SLC7A14: variants seen among roughly 807,000 people sequenced by gnomAD.
SLC7A14 encodes gamma-aminobutyric acid transporter SLC7A14.
SLC7A14 carries 37 observed loss-of-function variants against 60.2 expected under a neutral mutation model. That is an observed-to-expected ratio of 0.61 (90% CI 0.47 to 0.81). SLC7A14 has a LOEUF of 0.81. SLC7A14 is among the 30% of genes least tolerant of loss of function. The pLI is 0.00. For missense variants in SLC7A14, 886 were observed against 982.7 expected, an observed-to-expected ratio of 0.90 and a Z score of 1.32; for synonymous variants, 399 against 395.8, an observed-to-expected ratio of 1.01 and a Z score of -0.10.
chr3:170,471,542 G>A (rs1739910848), intron 7 of SLC7A14, among the ~76,000 whole-genome samples: 2 of 152,148 alleles, frequency 1.3e-5, no homozygotes, highest in African/African-American at 4.8e-5. Flanking sequence ...ATATCCAGCA[G>A]TATTAAAATT....
At chr3:170,529,856 C>T (rs1423491480) in intron 1 of SLC7A14, among the ~76,000 whole-genome samples, 5 of 152,244 alleles carry the variant, frequency 3.3e-5, no homozygotes, top group Non-Finnish European at 7.4e-5. Flanking sequence ...GGAGAACAGA[C>T]ATGGGGGTTA....
chr3:170,547,618 G>C (rs1009907090), intron 1 of SLC7A14, among the ~76,000 whole-genome samples: 8 of 152,128 alleles, frequency 5.3e-5, no homozygotes, highest in Non-Finnish European at 1.2e-4. Flanking sequence ...TTTGTGTTGA[G>C]TAGTCTGAGG....
At chr3:170,497,588 C>G (rs566197077) in intron 4 of SLC7A14, among the ~76,000 whole-genome samples, 117 of 152,324 alleles carry the variant, frequency 7.7e-4, no homozygotes, top group African/African-American at 2.6e-3. Context: ...AGACTTGCCT[C>G]TCTCGACCTT....
At chr3:170,543,074 A>G (rs73879204) in intron 1 of SLC7A14, among the ~76,000 whole-genome samples, 3,231 of 152,294 alleles carry the variant, frequency 0.021, 119 homozygotes, top group African/African-American at 0.073. Flanking sequence ...TAGATGGTTT[A>G]TAAACTTTCA....
chr3:170,554,686 C>T (rs1404477056), intron 1 of SLC7A14, among the ~76,000 whole-genome samples: 1 of 152,240 alleles, frequency 6.6e-6, no homozygotes, highest in South Asian at 2.1e-4. Context: ...AGATGTTCCT[C>T]CTAAAGCCCA....
intron 1 of SLC7A14, among the ~76,000 whole-genome samples, chr3:170,561,781 A>G (rs185084309): frequency 3.1e-4 from 47 of 152,288 alleles, no homozygotes; most frequent in Admixed American, 8.5e-4. Flanking sequence ...AACAAACTCA[A>G]ACAAATTAGC....
At chr3:170,495,657 C>T (rs1236911348) in intron 4 of SLC7A14, 11 of 846,702 alleles carry the variant, frequency 1.3e-5, no homozygotes, top group Non-Finnish European at 1.9e-5. Context: ...CCAGAGCCTG[C>T]TGAGCCCTGT....
chr3:170,537,950 A>T (rs931762096), intron 1 of SLC7A14, among the ~76,000 whole-genome samples: 2 of 110,410 alleles, frequency 1.8e-5, no homozygotes, highest in African/African-American at 8.0e-5. Flanking sequence ...CCTTCTAAAC[A>T]TATTTTTTTT....
chr3:170,464,636 A>G lies in SLC7A14; in HGVS notation c.*2419T>C, dbSNP rs1739677838. 6.6e-6 allele frequency: 1 copy of G among 152,204 alleles called. No individual in the cohort carries two copies. The highest frequency in any genetic ancestry group is 1.5e-5 in the Non-Finnish European group (1 of 68,032). The allele number at this position is 152,204 out of a possible 1,614,324, so 9.4% of individuals were successfully genotyped here. A position where few individuals can be genotyped will look rare whatever the true frequency, so the allele number is the denominator to read the frequency against. ...AAGGGAGCTAAGCTTAAAATATACT[A>G]ATATACTATGTGGGAAAAATGGCTC... On this transcript the variant is annotated 3_prime_UTR_variant, in exon 8 of 8. Coordinates refer to ENST00000231706, the MANE Select transcript of SLC7A14 (RefSeq NM_020949.3).
chr3:170,573,533 G>A (rs1470974297), intron 1 of SLC7A14, among the ~76,000 whole-genome samples: 1 of 152,180 alleles, frequency 6.6e-6, no homozygotes, highest in Non-Finnish European at 1.5e-5. Context: ...AAGGGGCTTT[G>A]GACAAGATGT....
chr3:170,571,519 A>G (rs1714954824), intron 1 of SLC7A14, among the ~76,000 whole-genome samples: 2 of 152,198 alleles, frequency 1.3e-5, no homozygotes, highest in African/African-American at 4.8e-5. Flanking sequence ...TAAAACCAAA[A>G]CAATAAATCT....
At chr3:170,519,895 G>A (rs923751647) in intron 2 of SLC7A14, among the ~76,000 whole-genome samples, 9 of 152,178 alleles carry the variant, frequency 5.9e-5, no homozygotes, top group East Asian at 3.9e-4. Flanking sequence ...TACAGCAGCC[G>A]TCTTTGGTCT....
At chr3:170,536,900 C>T (rs1475175466) in intron 1 of SLC7A14, among the ~76,000 whole-genome samples, 1 of 152,124 alleles carries the variant, frequency 6.6e-6, no homozygotes, top group Non-Finnish European at 1.5e-5. Context: ...CAGCCTGGCA[C>T]CTTCATGCCA....
Position 170,480,678 on chromosome 3 carries a change from T to C in SLC7A14, c.1604A>G (p.Lys535Arg), listed in dbSNP as rs1258181780. The C allele has an allele frequency of 6.8e-6, 11 of 1,614,266 alleles. No homozygotes were observed. The highest frequency in any genetic ancestry group is 1.6e-4 in the Middle Eastern group (1 of 6,062). Residue 535 changes from lysine to arginine, a missense_variant, in exon 7 of 8, where the codon AAG (lysine) becomes AGG (arginine). Physicochemically the swap from Lys to Arg is conservative, Grantham distance 26. Transcript: ENST00000231706. ...SENIYLIKLK[K>R]LIGPHYYTMR... is the part of the protein sequence containing the mutation. ...GGTGTAATAATGAGGCCCAATCAGC[T>C]TCTTTAACTTGATGAGATAAATATT...
chr3:170,570,530 A>G (rs1714919550), intron 1 of SLC7A14: 1 of 152,114 alleles, frequency 6.6e-6, no homozygotes. Flanking sequence ...CTAGGCTTCT[A>G]GGCTTGGTGC....
chr3:170,516,480 T>C (rs934333492), intron 2 of SLC7A14, among the ~76,000 whole-genome samples: 2 of 151,520 alleles, frequency 1.3e-5, no homozygotes, highest in African/African-American at 4.9e-5. Flanking sequence ...CCCAGTACTT[T>C]GGGAGGCTGA....
chr3:170,482,444 C>T (rs1711863550), intron 6 of SLC7A14, among the ~76,000 whole-genome samples: 3 of 152,218 alleles, frequency 2.0e-5, no homozygotes, highest in African/African-American at 4.8e-5. Flanking sequence ...GAGACAAAGT[C>T]CCTGAACCGG....
intron 1 of SLC7A14, among the ~76,000 whole-genome samples, chr3:170,582,196 T>C (rs63156262): frequency 0.34 from 52,233 of 151,666 alleles, 9,169 homozygotes; most frequent in East Asian, 0.47. Flanking sequence ...GCTTTTTCTT[T>C]CTTTCTTGGC....
intron 1 of SLC7A14, among the ~76,000 whole-genome samples, chr3:170,552,060 C>T (rs952402183): frequency 2.0e-5 from 3 of 152,064 alleles, no homozygotes; most frequent in Admixed American, 6.5e-5. Flanking sequence ...ATGTTTTGGT[C>T]TTTAATCCAT....
Sources: gnomAD v4.1 joint callset for allele counts (sites outside exome capture counted in the v4.1 genomes callset) on GRCh38, gnomAD v4.1.1 for gene constraint, MANE v1.5 for transcripts, NCBI Gene and HGNC (gene_info 2026-07-23, HGNC 2026-07-21) for gene names.